Variants in PLXNA2 observed in about 807,000 individuals in gnomAD.
The protein encoded by PLXNA2 is plexin A2.
Under a neutral mutation model 193.5 loss-of-function variants are expected in PLXNA2, and 91 were observed. The observed-to-expected ratio is 0.47, with a 90% CI of 0.40 to 0.56. The LOEUF (loss-of-function observed/expected upper bound fraction) is 0.56. Among genes scored for constraint, PLXNA2 ranks in the 20% least tolerant of loss-of-function variants. The pLI, the probability that PLXNA2 is intolerant of heterozygous loss-of-function variation, is 0.00. For synonymous variants in PLXNA2, 997 were observed against 1,027.3 expected (o/e 0.97, Z 0.56); for missense variants, 1,995 against 2,503.2 (o/e 0.80, Z 4.33).
chr1:208,211,166 G>A (rs1031970383), intron 2 of PLXNA2, among the ~76,000 whole-genome samples: 3 of 152,190 alleles, frequency 2.0e-5, no homozygotes, highest in Admixed American at 2.0e-4. Flanking sequence ...ATAGAATTGT[G>A]AAGGAACAAA....
intron 5 of PLXNA2, among the ~76,000 whole-genome samples, chr1:208,100,368 AAGG>A (rs1047867839): frequency 6.6e-6 from 1 of 152,140 alleles, no homozygotes; most frequent in Non-Finnish European, 1.5e-5. Flanking sequence ...AGAAAAAAAA[AAGG>A]AGGAGGAGGA....
At chr1:208,191,916 G>A (rs1241171325) in intron 3 of PLXNA2, among the ~76,000 whole-genome samples, 1 of 152,168 alleles carries the variant, frequency 6.6e-6, no homozygotes, top group African/African-American at 2.4e-5. Context: ...CCCGAGGTGA[G>A]AACAAGCATG....
At chr1:208,196,050 A>G (rs564548347) in intron 3 of PLXNA2, among the ~76,000 whole-genome samples, 1 of 152,258 alleles carries the variant, frequency 6.6e-6, no homozygotes, top group Non-Finnish European at 1.5e-5. Context: ...TAGTGACAAG[A>G]TAACTGAAGG....
intron 13 of PLXNA2, among the ~76,000 whole-genome samples, chr1:208,058,410 AT>A (rs1366244933): frequency 2.6e-5 from 4 of 152,218 alleles, no homozygotes; most frequent in African/African-American, 9.7e-5. Flanking sequence ...CATATGGTGA[AT>A]CATTACCGTG....
At chr1:208,048,908 C>T (rs767939463) in intron 17 of PLXNA2, among the ~76,000 whole-genome samples, 6 of 152,200 alleles carry the variant, frequency 3.9e-5, no homozygotes, top group Admixed American at 1.3e-4. Context: ...TGCCTGTGAG[C>T]GTGCCTTTCA....
Position 208,167,576 on chromosome 1 carries a change from G to A in PLXNA2, c.1372-25113C>T, listed in dbSNP as rs926145233. 3.3e-5 allele frequency among the ~76,000 whole-genome samples: 5 copies of A among 152,050 alleles called. 1 individual carries two copies. Among genetic ancestry groups the A allele is most frequent in the East Asian group, 1.9e-4 (1 of 5,176 alleles). On this transcript the variant is annotated intron_variant, in intron 3 of 31. Coordinates refer to ENST00000367033, the MANE Select transcript of PLXNA2 (RefSeq NM_025179.4). ...GAAATTGAGGTCCATATGCCCTAGC[G>A]CCCTGCTCTTCTTACTCCCCTACCA... is the stretch of plus-strand genomic sequence containing the variant.
intron 12 of PLXNA2, among the ~76,000 whole-genome samples, chr1:208,070,342 T>A (rs147081391): frequency 1.3e-5 from 2 of 152,354 alleles, no homozygotes; most frequent in African/African-American, 4.8e-5. Flanking sequence ...CTCCCTGAAC[T>A]TCTCAGCATC....
At chr1:208,237,415 C>T (rs928654657) in intron 1 of PLXNA2, among the ~76,000 whole-genome samples, 14 of 152,318 alleles carry the variant, frequency 9.2e-5, no homozygotes, top group South Asian at 2.1e-4. Context: ...GGCCTCTACA[C>T]GCCAGCTCCA....
At chr1:208,230,859 G>A in intron 1 of PLXNA2, among the ~76,000 whole-genome samples, 1 of 152,180 alleles carries the variant, frequency 6.6e-6, no homozygotes, top group Middle Eastern at 3.2e-3. Flanking sequence ...CTAAGTAACA[G>A]GCACGCTCAC....
rs770322427 is a variant in PLXNA2, at chr1:208,082,518, G to C, written c.2299-10C>G. The C allele has an allele frequency of 6.2e-7, 1 of 1,609,762 alleles. No individual in the cohort carries two copies. The highest frequency in any genetic ancestry group is 2.2e-5 in the East Asian group (1 of 44,842). ...TGCCATCATACTGGTACTATAGGGAGACGGGCAGAGGCATGGGGCTCATGT... is the reference window on the plus strand; with the variant it reads ...TGCCATCATACTGGTACTATAGGGACACGGGCAGAGGCATGGGGCTCATGT... On this transcript the variant is annotated splice_polypyrimidine_tract_variant and intron_variant, in intron 10 of 31. Coordinates refer to ENST00000367033, the MANE Select transcript of PLXNA2 (RefSeq NM_025179.4). The surrounding 1 kb of genome is among the most constrained non-coding windows in gnomAD (Gnocchi z 4.2).
At chr1:208,045,496 C>T (rs11588627) in intron 18 of PLXNA2, among the ~76,000 whole-genome samples, 13,975 of 152,028 alleles carry the variant, frequency 0.092, 989 homozygotes, top group East Asian at 0.24. Flanking sequence ...TGGGATTTCA[C>T]GAAAGTAGTG....
chr1:208,072,020 T>C (rs1241890234), intron 12 of PLXNA2, among the ~76,000 whole-genome samples: 1 of 152,170 alleles, frequency 6.6e-6, no homozygotes. Flanking sequence ...TTTAAATTAT[T>C]TGTGAAAGTG....
At chr1:208,171,448 C>G (rs1669492088) in intron 3 of PLXNA2, among the ~76,000 whole-genome samples, 2 of 152,172 alleles carry the variant, frequency 1.3e-5, no homozygotes, top group Non-Finnish European at 2.9e-5. Flanking sequence ...CCCATTGTAG[C>G]AGAAGGAAAA....
At chr1:208,074,524 C>T (rs182136417) in intron 12 of PLXNA2, among the ~76,000 whole-genome samples, 100 of 152,296 alleles carry the variant, frequency 6.6e-4, no homozygotes, top group Middle Eastern at 3.4e-3. Context: ...ATAGCCTGTA[C>T]AACTTGTTCT....
chr1:208,029,302 C>T, intron 29 of PLXNA2: 2 of 1,288,068 alleles, frequency 1.6e-6, no homozygotes, highest in South Asian at 3.3e-5. Flanking sequence ...TGGGTGTGTT[C>T]TGTTCCCTTC....
intron 9 of PLXNA2, among the ~76,000 whole-genome samples, chr1:208,086,728 C>T (rs1413215883): frequency 6.8e-6 from 1 of 147,942 alleles, no homozygotes; most frequent in Non-Finnish European, 1.5e-5. Flanking sequence ...TTGCTCTTTA[C>T]TGCACTTTCA....
chr1:208,210,041 A>C (rs1295382377), intron 3 of PLXNA2: 2 of 181,412 alleles, frequency 1.1e-5, no homozygotes, highest in Non-Finnish European at 2.0e-5. Flanking sequence ...TTTTTTCTTA[A>C]AGTTTGGGAA....
At position 208,060,901 on chromosome 1, in the gene PLXNA2, TC is replaced by T. The variant is rs1242553302; in HGVS notation, c.2587-65del. ...ACAGGAACAGAAACAGCAGCACCCT[TC>T]CCCCTCCCCCAGGGAGGTTTAAGAA... On this transcript the variant is annotated intron_variant, in intron 12 of 31. Coordinates refer to ENST00000367033, the MANE Select transcript of PLXNA2 (RefSeq NM_025179.4). The T allele has an allele frequency of 2.0e-6, 3 of 1,495,882 alleles. No homozygotes were observed. In the South Asian group the frequency reaches 3.6e-5, roughly 18 times the overall value. The allele number at this position is 1,495,882 out of a possible 1,614,324, so 92.7% of individuals were successfully genotyped here.
chr1:208,034,283 G>A (rs1664601869), intron 27 of PLXNA2, among the ~76,000 whole-genome samples: 1 of 152,120 alleles, frequency 6.6e-6, no homozygotes, highest in Non-Finnish European at 1.5e-5. Context: ...TCAAACAAAG[G>A]GCACATGGTG....
Sources: allele counts gnomAD v4.1 joint callset (sites outside exome capture counted in the v4.1 genomes callset), GRCh38; gene constraint gnomAD v4.1.1; non-coding constraint Gnocchi (gnomAD v3.1); transcripts MANE v1.5; gene names NCBI Gene and HGNC (gene_info 2026-07-23, HGNC 2026-07-21).